TRMT11: variants seen among roughly 807,000 people sequenced by gnomAD.
The protein encoded by TRMT11 is tRNA methyltransferase 11, also known as tRNA (guanine(10)-N(2))-methyltransferase TRMT11.
Under a neutral mutation model 62.8 loss-of-function variants are expected in TRMT11, and 53 were observed. The ratio of observed to expected loss-of-function variants is 0.84; its 90% CI spans 0.68 to 1.06. The LOEUF is 1.06. Among genes scored for constraint, TRMT11 ranks in the 50% least tolerant of loss-of-function variants. The pLI is 0.00. For synonymous variants in TRMT11, 188 were observed against 190.3 expected (o/e 0.99, Z 0.10); for missense variants, 556 against 553.4 (o/e 1.00, Z -0.05).
the TRMT11 span, among the ~76,000 whole-genome samples, chr6:126,227,454 T>A: frequency 6.6e-6 from 1 of 152,182 alleles, no homozygotes; most frequent in Non-Finnish European, 1.5e-5. Flanking sequence ...GAGCATCTTA[T>A]CCAAGCAGGA....
chr6:126,257,841 G>T, the TRMT11 span: 6 of 1,051,774 alleles, frequency 5.7e-6, no homozygotes, highest in African/African-American at 7.8e-5. Context: ...CTGGCCACAG[G>T]GTCCGCTGGT....
intron 21 of TRMT11, among the ~76,000 whole-genome samples, chr6:126,124,588 T>G (rs1047745547): frequency 5.9e-5 from 9 of 152,076 alleles, no homozygotes; most frequent in African/African-American, 2.2e-4. Flanking sequence ...AGGTTAGGCT[T>G]CAAAAAGTGT....
At chr6:126,194,989 C>A (rs975543727) in intron 1 of TRMT11, among the ~76,000 whole-genome samples, 2 of 151,884 alleles carry the variant, frequency 1.3e-5, no homozygotes, top group Non-Finnish European at 2.9e-5. Context: ...GGTGGCATGC[C>A]CCTGTTGTCC....
intron 17 of TRMT11, among the ~76,000 whole-genome samples, chr6:126,065,180 A>G (rs1776653324): frequency 6.6e-6 from 1 of 152,184 alleles, no homozygotes. Context: ...TTTTATTGTT[A>G]GGTATATAGT....
upstream of TRMT11, among the ~76,000 whole-genome samples, chr6:126,176,412 A>AAACC (rs1468358211): frequency 0.11 from 16,776 of 152,216 alleles, 3,065 homozygotes; most frequent in African/African-American, 0.38. Flanking sequence ...TCTTGGAAAT[A>AAACC]ACTATAGTCA....
intron 17 of TRMT11, among the ~76,000 whole-genome samples, chr6:126,077,577 C>T (rs1777055693): frequency 6.6e-6 from 1 of 152,170 alleles, no homozygotes; most frequent in Non-Finnish European, 1.5e-5. Flanking sequence ...ATCTGCCTGC[C>T]TCAGCCTCCC....
At chr6:125,994,768 A>C (rs1791205919) in intron 2 of TRMT11, among the ~76,000 whole-genome samples, 1 of 152,236 alleles carries the variant, frequency 6.6e-6, no homozygotes, top group African/African-American at 2.4e-5. Context: ...AAGCCATAAA[A>C]AGGAACGAGA....
rs200509426 is a variant in TRMT11, at chr6:126,051,903, C to CA, written c.*1370-1214dup. 7.9e-3 allele frequency among the ~76,000 whole-genome samples: 1,201 copies of CA among 152,108 alleles called. 13 individuals are homozygous for CA. The highest frequency in any genetic ancestry group is 0.028 in the African/African-American group (1,161 of 41,506). On this transcript the variant is annotated intron_variant and NMD_transcript_variant, in intron 16 of 22. Coordinates refer to the TRMT11 transcript ENST00000648977. ...AGAAGCAGAAGATCCCTGTATGGGA[C>CA]AAAAAACAAAACAAAACAAACAGAA...
intron 21 of TRMT11, among the ~76,000 whole-genome samples, chr6:126,122,921 C>T (rs1031640038): frequency 2.0e-5 from 3 of 152,198 alleles, no homozygotes. Context: ...GCAGTGAAAT[C>T]GTATTTGGCT....
intron 17 of TRMT11, among the ~76,000 whole-genome samples, chr6:126,096,463 G>A (rs895140474): frequency 1.3e-5 from 2 of 152,136 alleles, no homozygotes; most frequent in African/African-American, 4.8e-5. Flanking sequence ...ATTGAAGTTG[G>A]ACTCCAGGTT....
At chr6:126,237,657 G>A in the TRMT11 span, among the ~76,000 whole-genome samples, 1 of 151,976 alleles carries the variant, frequency 6.6e-6, no homozygotes, top group African/African-American at 2.4e-5. Context: ...CTCCAGCCTG[G>A]GTGACAGGGT....
the TRMT11 span, among the ~76,000 whole-genome samples, chr6:126,221,488 T>C: frequency 2.6e-5 from 4 of 152,232 alleles, no homozygotes; most frequent in Admixed American, 6.5e-5. Context: ...GAGATTTTGA[T>C]TTGTATGGAC....
chr6:126,061,472 T>C (rs1344407407), intron 17 of TRMT11, among the ~76,000 whole-genome samples: 1 of 152,224 alleles, frequency 6.6e-6, no homozygotes, highest in Admixed American at 6.5e-5. Flanking sequence ...AAATTGCTGT[T>C]TTAAATTCAC....
chr6:126,161,626 T>G (rs764899106), intron 21 of TRMT11, among the ~76,000 whole-genome samples: 13 of 152,336 alleles, frequency 8.5e-5, no homozygotes, highest in Non-Finnish European at 1.3e-4. Flanking sequence ...CAAATGGTAT[T>G]TCTAGTTCTA....
intron 12 of TRMT11, among the ~76,000 whole-genome samples, chr6:126,032,133 G>A (rs1211784567): frequency 6.6e-6 from 1 of 152,076 alleles, no homozygotes; most frequent in Non-Finnish European, 1.5e-5. Context: ...CTACTCCCAG[G>A]ACCATGGGGC....
At chr6:126,153,378 A>G (rs183033379) in intron 21 of TRMT11, among the ~76,000 whole-genome samples, 1 of 152,370 alleles carries the variant, frequency 6.6e-6, no homozygotes, top group African/African-American at 2.4e-5. Flanking sequence ...GCAAAATTTG[A>G]CATTGAAGTA....
chr6:126,181,580 A>G (rs1778467360), intron 1 of TRMT11, among the ~76,000 whole-genome samples: 1 of 152,312 alleles, frequency 6.6e-6, no homozygotes, highest in African/African-American at 2.4e-5. Context: ...GCTTTACCTT[A>G]AAAGGTCAGG....
At chr6:126,260,985 A>C in the TRMT11 span, among the ~76,000 whole-genome samples, 1 of 152,160 alleles carries the variant, frequency 6.6e-6, no homozygotes, top group Non-Finnish European at 1.5e-5. Flanking sequence ...ATATGTGGGA[A>C]GTTTTCAGCT....
intron 17 of TRMT11, among the ~76,000 whole-genome samples, chr6:126,065,216 G>T (rs960115298): frequency 1.3e-5 from 2 of 152,096 alleles, no homozygotes; most frequent in African/African-American, 2.4e-5. Context: ...ACTAAAAAGG[G>T]AATATGTTAG....
Sources: allele counts gnomAD v4.1 joint callset (sites outside exome capture counted in the v4.1 genomes callset), GRCh38; gene constraint gnomAD v4.1.1; transcripts MANE v1.5; gene names NCBI Gene and HGNC (gene_info 2026-07-23, HGNC 2026-07-21).